The following EGFR variants were observed in gnomAD, a reference collection of about 807,000 sequenced individuals.
EGFR encodes epidermal growth factor receptor.
Under a neutral mutation model 143.0 loss-of-function variants are expected in EGFR, and 58 were observed. The observed-to-expected ratio is 0.41, with a 90% CI of 0.33 to 0.50. The LOEUF is 0.50. Ranked by LOEUF, EGFR falls within the 20% of genes least tolerant of loss-of-function variation. The probability of loss-of-function intolerance (pLI) is 0.39; values close to 1 mark genes in which losing one functional copy is unlikely to be tolerated. For synonymous variants in EGFR, 613 were observed against 594.4 expected (o/e 1.03, Z -0.45); for missense variants, 1,307 against 1,579.0 (o/e 0.83, Z 2.92).
At chr7:55,152,426 C>A (rs1203445308) in intron 5 of EGFR, 120 bp from the exon 6 acceptor site, 1 of 907,478 alleles carries the variant, frequency 1.1e-6, no homozygotes, top group East Asian at 2.4e-5. Flanking sequence ...AATGTGGTTT[C>A]GTTGGAAGCA....
chr7:55,080,368 TA>T (rs59060240), intron 1 of EGFR, among the ~76,000 whole-genome samples: 3,343 of 144,054 alleles, frequency 0.023, 56 homozygotes, highest in Middle Eastern at 0.057. Context: ...TATTCAGTCT[TA>T]AAAAAAAAAA....
At chr7:55,170,925 C>T in intron 15 of EGFR, 4 of 1,420,342 alleles carry the variant, frequency 2.8e-6, no homozygotes, top group Non-Finnish European at 2.7e-6. Context: ...AACAAACTGG[C>T]TGCTTTGTTC....
intron 10 of EGFR, chr7:55,157,039 CG>C: frequency 7.8e-7 from 1 of 1,285,630 alleles, no homozygotes; most frequent in Non-Finnish European, 1.0e-6. Context: ...TCATTCACTG[CG>C]GTGTAAACAC....
chr7:55,168,194 A>G (rs1786163808), intron 15 of EGFR, among the ~76,000 whole-genome samples: 1 of 152,196 alleles, frequency 6.6e-6, no homozygotes, highest in African/African-American at 2.4e-5. Flanking sequence ...CACGTAATCT[A>G]TTTCTATAAG....
In EGFR at chr7:55,202,557, G is replaced by C. The variant is rs374501041; in HGVS notation, c.3203G>C (p.Arg1068Pro). The C allele has an allele frequency of 1.2e-6, 2 of 1,613,082 alleles. No individual in the cohort carries two copies. The highest frequency in any genetic ancestry group is 1.7e-5 in the Admixed American group (1 of 59,962). Residue 1068 changes from arginine to proline, a missense_variant, in exon 27 of 28, where the codon CGA becomes CCA. Around this residue, in one of 7 missense-constraint regions of EGFR, gnomAD observed 313 missense variants for 312.3 expected, o/e 1.00. Coordinates refer to ENST00000275493, the MANE Select transcript of EGFR (RefSeq NM_005228.5). ...ATCAAGGAAGACAGCTTCTTGCAGC[G>C]ATACAGCTCAGACCCCACAGGCGCC... The part of the protein sequence containing the change: ...CPIKEDSFLQ[R>P]YSSDPTGALT...
intron 1 of EGFR, among the ~76,000 whole-genome samples, chr7:55,111,751 T>A (rs2128908145): frequency 6.6e-6 from 1 of 152,312 alleles, no homozygotes; most frequent in Middle Eastern, 3.4e-3. Context: ...CCTGTCCTTC[T>A]ATGTCAGCAG....
At chr7:55,180,409 G>C (rs1205124686) in intron 19 of EGFR, 1 of 152,240 alleles carries the variant, frequency 6.6e-6, no homozygotes, top group East Asian at 1.9e-4. Context: ...ATAGCAGAAG[G>C]GTTAAAATAA....
At position 55,054,721 on chromosome 7, in the gene EGFR, G is replaced by A. The variant is rs577729223; in HGVS notation, c.88+35356G>A. 3.7e-4 allele frequency among the ~76,000 whole-genome samples: 57 copies of A among 152,340 alleles called. 1 individual carries two copies. In the South Asian group the frequency reaches 0.011, roughly 30 times the overall value. On this transcript the variant is annotated intron_variant, in intron 1 of 27. Coordinates refer to ENST00000275493, the MANE Select transcript of EGFR (RefSeq NM_005228.5). ...CGGGAAGGTCTGGACCCCTTGCGGG[G>A]CAGTGGGCAGCACCGTGCCTCCGTT...
At chr7:55,110,699 A>C (rs1337935183) in intron 1 of EGFR, among the ~76,000 whole-genome samples, 1 of 152,214 alleles carries the variant, frequency 6.6e-6, no homozygotes, top group Non-Finnish European at 1.5e-5. Context: ...CGGATCCGGA[A>C]GTAGAATTTC....
chr7:55,061,649 T>TGTGTGAGAGAGAGAGA (rs1432070752), intron 1 of EGFR, among the ~76,000 whole-genome samples: 1 of 132,734 alleles, frequency 7.5e-6, no homozygotes, highest in Non-Finnish European at 1.6e-5. Context: ...TGTGTGTGTG[T>TGTGTGAGAGAGAGAGA]GAGAGAGAGA....
chr7:55,170,235 C>T (rs1279718226), intron 15 of EGFR: 1 of 1,612,286 alleles, frequency 6.2e-7, no homozygotes, highest in Admixed American at 1.7e-5. Context: ...CTGTTAGGAT[C>T]AGATTATAGT....
At chr7:55,086,594 A>G (rs1316774027) in intron 1 of EGFR, among the ~76,000 whole-genome samples, 1 of 152,174 alleles carries the variant, frequency 6.6e-6, no homozygotes, top group Non-Finnish European at 1.5e-5. Context: ...CAGGCGGGCT[A>G]CTGTGCTGCC....
chr7:55,098,081 A>C (rs1791583267), intron 1 of EGFR, among the ~76,000 whole-genome samples: 1 of 152,226 alleles, frequency 6.6e-6, no homozygotes, highest in South Asian at 2.1e-4. Context: ...ATTTCCTCTC[A>C]TACAGACCCC....
At chr7:55,159,020 G>C (rs748179803) in intron 11 of EGFR, among the ~76,000 whole-genome samples, 1 of 152,194 alleles carries the variant, frequency 6.6e-6, no homozygotes, top group Non-Finnish European at 1.5e-5. Flanking sequence ...CCAGCCCCCA[G>C]CCTGGGGTCA....
intron 1 of EGFR, among the ~76,000 whole-genome samples, chr7:55,116,704 A>ACGATGGGCCAGCT (rs1176322356): frequency 6.6e-6 from 1 of 152,230 alleles, no homozygotes; most frequent in Non-Finnish European, 1.5e-5. Context: ...TAAGGCCAGC[A>ACGATGGGCCAGCT]CGATGGGCCA....
chr7:55,036,271 T>TC (rs1554313752), intron 1 of EGFR, among the ~76,000 whole-genome samples: 1 of 22,380 alleles, frequency 4.5e-5, no homozygotes, highest in Non-Finnish European at 8.6e-5. Flanking sequence ...TGTGTGTGTG[T>TC]GGGGGGGGGG....
intron 1 of EGFR, among the ~76,000 whole-genome samples, chr7:55,085,992 T>C (rs1219737383): frequency 2.8e-5 from 4 of 141,796 alleles, no homozygotes; most frequent in African/African-American, 7.6e-5. Flanking sequence ...TAGAAGCCCC[T>C]CTTCCTCCCT....
rs145036668 is a variant in EGFR at position 55,133,033 on chromosome 7, C to T, written c.89-9253C>T. 1.0e-3 allele frequency among the ~76,000 whole-genome samples: 154 copies of T among 152,298 alleles called. 2 individuals are homozygous for T. Among genetic ancestry groups the T allele is most frequent in the East Asian group, 9.6e-4 (5 of 5,182 alleles). ...GACAGCTCAACCAGCAAATAAACAG[C>T]TTCATATGGGAAATATTACTCAGCC... On this transcript the variant is annotated intron_variant, in intron 1 of 27. Transcript: ENST00000275493.
chr7:55,157,725 G>C lies in EGFR; in HGVS notation c.1270G>C (p.Glu424Gln), dbSNP rs1785500503. The C allele has an allele frequency of 2.5e-6, 4 of 1,614,102 alleles. No individual in the cohort carries two copies. Among genetic ancestry groups the C allele is most frequent in the Admixed American group, 1.7e-5 (1 of 60,010 alleles). Residue 424 changes from glutamate to glutamine, a missense_variant, in exon 11 of 28, where the codon GAA becomes CAA. Glu to Gln is a conservative substitution (Grantham distance 29, BLOSUM62 2). Transcript: ENST00000275493. ...GGACCTCCATGCCTTTGAGAACCTAGAAATCATACGCGGCAGGACCAAGCA... is the reference window on the plus strand; with the variant it reads ...GGACCTCCATGCCTTTGAGAACCTACAAATCATACGCGGCAGGACCAAGCA... ...RTDLHAFENLEIIRGRTKQHG... is the reference protein window; with the variant it reads ...RTDLHAFENLQIIRGRTKQHG...
Sources: allele counts gnomAD v4.1 joint callset (sites outside exome capture counted in the v4.1 genomes callset), GRCh38; gene constraint gnomAD v4.1.1; regional missense constraint gnomAD v4.1.1; transcripts MANE v1.5; gene names NCBI Gene and HGNC (gene_info 2026-07-23, HGNC 2026-07-21).